ERP27: variants seen among roughly 807,000 people sequenced by gnomAD.
ERP27 encodes endoplasmic reticulum resident protein 27.
ERP27 carries 23 observed loss-of-function variants against 27.7 expected under a neutral mutation model. The ratio of observed to expected loss-of-function variants is 0.83; its 90% confidence interval spans 0.60 to 1.18. The LOEUF (loss-of-function observed/expected upper bound fraction) is 1.18. ERP27 is among the 50% of genes most tolerant of loss of function. The pLI is 0.00. For synonymous variants in ERP27, 159 were observed against 118.3 expected, an observed-to-expected ratio of 1.34 and a Z score of -2.23; for missense variants, 363 against 327.9, an observed-to-expected ratio of 1.11 and a Z score of -0.83.
intron 4 of ERP27, among the ~76,000 whole-genome samples, chr12:14,919,881 T>A (rs557060331): frequency 6.6e-6 from 1 of 152,232 alleles, no homozygotes; most frequent in African/African-American, 2.4e-5. Flanking sequence ...CTTTGAATAA[T>A]GTTATCAGTT....
In ERP27 at chr12:14,914,547, G is replaced by A; in HGVS notation, c.*188C>T. 1.9e-6 allele frequency: 1 copy of A among 520,690 alleles called. No individual in the cohort carries two copies. The highest frequency in any genetic ancestry group is 3.0e-5 in the South Asian group (1 of 33,112). 32.3% of individuals were successfully genotyped at this position (520,690 alleles called of 1,614,324 possible). A position where few individuals can be genotyped will look rare whatever the true frequency, so the allele number is the denominator to read the frequency against. On this transcript the variant is annotated 3_prime_UTR_variant, in exon 7 of 7. Coordinates refer to ENST00000266397, the MANE Select transcript of ERP27 (RefSeq NM_152321.4). The stretch of plus-strand genomic sequence containing the variant: ...AAGAGAAAACGAGATTTTAAGACAG[G>A]AAATGAAGCTCTGTGTGTGTGTGTG...
chr12:14,921,812 C>A (rs1863508251), intron 3 of ERP27, among the ~76,000 whole-genome samples: 2 of 151,864 alleles, frequency 1.3e-5, no homozygotes, highest in South Asian at 4.1e-4. Flanking sequence ...CAAAGGTATG[C>A]TGACTTTTAT....
chr12:14,919,622 T>G (rs904158502), intron 4 of ERP27, among the ~76,000 whole-genome samples: 4 of 152,154 alleles, frequency 2.6e-5, no homozygotes, highest in African/African-American at 9.7e-5. Context: ...GGGTGTTTCC[T>G]GTTGAAGGCA....
intron 3 of ERP27, among the ~76,000 whole-genome samples, chr12:14,930,248 A>G (rs866586508): frequency 6.6e-6 from 1 of 152,212 alleles, no homozygotes; most frequent in Non-Finnish European, 1.5e-5. Flanking sequence ...TGCATTTCTT[A>G]TCAGTTTATT....
Position 14,920,996 on chromosome 12 carries a change from G to A in ERP27, c.386C>T (p.Ala129Val). The A allele has an allele frequency of 1.2e-6, 2 of 1,614,072 alleles. No homozygotes were observed. Among genetic ancestry groups the A allele is most frequent in the Non-Finnish European group, 1.7e-6 (2 of 1,179,960 alleles). ...LEDEDIESID[A>V]TKLSRFIEIN... ...CTCAATGAAACGGCTCAATTTGGTGGCATCAATGCTTTCAATGTCTTCGTC... is the reference window on the plus strand; with the variant it reads ...CTCAATGAAACGGCTCAATTTGGTGACATCAATGCTTTCAATGTCTTCGTC... Residue 129 changes from alanine to valine, a missense_variant, in exon 4 of 7, where the codon GCC (alanine) becomes GTC (valine). By Grantham distance (64) the Ala-to-Val change is moderately conservative. Coordinates refer to ENST00000266397, the MANE Select transcript of ERP27 (RefSeq NM_152321.4).
At position 14,915,624 on chromosome 12, in the gene ERP27, T is replaced by C. The variant is rs201910989; in HGVS notation, c.639A>G (p.Lys213=). ...KENGKVISFF[K]LKESQLPALA... is the part of the protein sequence containing the mutation. ...AAGCTGGCAGTTGAGACTCCTTTAG[T>C]TTGAAAAATGATATCACCTTCCCAT... Residue 213 remains lysine, a synonymous_variant, in exon 6 of 7, where the codon AAA becomes AAG. Coordinates refer to ENST00000266397, the MANE Select transcript of ERP27 (RefSeq NM_152321.4). The C allele has an allele frequency of 6.2e-7, 1 of 1,614,186 alleles. No individual in the cohort carries two copies. The highest frequency in any genetic ancestry group is 8.5e-7 in the Non-Finnish European group (1 of 1,180,018).
At chr12:14,932,413 G>A (rs1045999228) in intron 3 of ERP27, among the ~76,000 whole-genome samples, 1 of 152,116 alleles carries the variant, frequency 6.6e-6, no homozygotes, top group African/African-American at 2.4e-5. Context: ...TTGGCGGGTG[G>A]TGGCATTCTA....
intron 3 of ERP27, among the ~76,000 whole-genome samples, chr12:14,921,802 C>T (rs527749372): frequency 6.6e-6 from 1 of 151,606 alleles, no homozygotes; most frequent in Non-Finnish European, 1.5e-5. Context: ...TTTTTTTTGC[C>T]AAAGGTATGC....
intron 6 of ERP27, among the ~76,000 whole-genome samples, chr12:14,915,245 T>C (rs2120533709): frequency 6.6e-6 from 1 of 152,346 alleles, no homozygotes; most frequent in South Asian, 2.1e-4. Flanking sequence ...ATCATTTCTT[T>C]GTGTTGGAAA....
Position 14,920,916 on chromosome 12 carries a change from A to G in ERP27, c.450+16T>C, listed in dbSNP as rs753230012. 6.2e-7 allele frequency: 1 copy of G among 1,600,104 alleles called. No individual in the cohort carries two copies. The highest frequency in any genetic ancestry group is 2.2e-5 in the East Asian group (1 of 44,820). On this transcript the variant is annotated intron_variant, in intron 4 of 6. Transcript: ENST00000266397. ...CTCAGGGTCTGAAGGGACTAAGAAC[A>G]GGAAGTATTGTTTACCACAGGGTTG... is the stretch of plus-strand genomic sequence containing the variant.
At chr12:14,927,338 T>A (rs1863618735) in intron 3 of ERP27, among the ~76,000 whole-genome samples, 1 of 151,972 alleles carries the variant, frequency 6.6e-6, no homozygotes, top group Non-Finnish European at 1.5e-5. Context: ...TGTGCATGTG[T>A]GTGTGTGTGT....
intron 3 of ERP27, among the ~76,000 whole-genome samples, chr12:14,925,598 C>T (rs978836227): frequency 1.6e-4 from 25 of 151,762 alleles, no homozygotes; most frequent in African/African-American, 5.8e-4. Flanking sequence ...TGGTTATATT[C>T]TTATTGATTT....
At chr12:14,921,308 C>A (rs1863500136) in intron 3 of ERP27, among the ~76,000 whole-genome samples, 1 of 152,126 alleles carries the variant, frequency 6.6e-6, no homozygotes. Flanking sequence ...AGAAAAGCTT[C>A]AAGGAAGAAG....
chr12:14,914,902 G>A, intron 6 of ERP27, 120 bp from the exon 7 acceptor site: 1 of 758,462 alleles, frequency 1.3e-6, no homozygotes, highest in East Asian at 2.7e-5. Flanking sequence ...TTGATTTGTT[G>A]CCCATTAATG....
chr12:14,931,677 G>A (rs1273545891), intron 3 of ERP27, among the ~76,000 whole-genome samples: 2 of 152,038 alleles, frequency 1.3e-5, no homozygotes, highest in African/African-American at 4.8e-5. Context: ...AGCTTTATGA[G>A]GAATAAATTG....
rs1212590270 is a variant in ERP27 at position 14,915,561 on chromosome 12, T to C, written c.702A>G (p.Thr234=). The C allele has an allele frequency of 6.2e-7, 1 of 1,614,244 alleles. No individual in the cohort carries two copies. The highest frequency in any genetic ancestry group is 1.1e-5 in the South Asian group (1 of 91,086). Residue 234 remains threonine, a synonymous_variant, in exon 6 of 7, where the codon ACA becomes ACG. Transcript: ENST00000266397. ...CTACGGAAACTTCTGCTGTGGGCAG[T>C]GTATCCCACTCGTCATCTAGAGTCT... ...IYQTLDDEWD[T]LPTAEVSVEH...
In ERP27 at chr12:14,921,186, A is replaced by G. The variant is rs566810643; in HGVS notation, c.334-138T>C. ...ATAAGTAAGAGAGTTTCTCTGCCCT[A>G]GGGGGACAAACTGTCCTGTAGACTC... On this transcript the variant is annotated intron_variant, in intron 3 of 6. Coordinates refer to ENST00000266397, the MANE Select transcript of ERP27 (RefSeq NM_152321.4). 1.5e-5 allele frequency: 10 copies of G among 679,220 alleles called. No individual in the cohort carries two copies. In the South Asian group the frequency reaches 1.8e-4, roughly 12 times the overall value. 42.1% of individuals were successfully genotyped at this position (679,220 alleles called of 1,614,324 possible). A position where few individuals can be genotyped will look rare whatever the true frequency, so the allele number is the denominator to read the frequency against.
In ERP27 at chr12:14,917,225, C is replaced by G. The variant is rs1863424101; in HGVS notation, c.529G>C (p.Glu177Gln). 2 of 1,613,996 alleles carry G rather than the reference C, an allele frequency of 1.2e-6. No individual in the cohort carries two copies. Among genetic ancestry groups the G allele is most frequent in the Admixed American group, 1.7e-5 (1 of 59,998 alleles). The change falls in exon 5 of 7, where the codon GAG becomes CAG. Residue 177 changes from glutamate to glutamine, a missense_variant. Glu to Gln is a conservative substitution (Grantham distance 29). Transcript: ENST00000266397. ...IMNKASPEYE[E>Q]NMHRYQKAAK... ...GCCTTCTGGTATCTGTGCATGTTCTCTTCATACTCTGGGGAGGCCTTGTTC... is the reference window on the plus strand; with the variant it reads ...GCCTTCTGGTATCTGTGCATGTTCTGTTCATACTCTGGGGAGGCCTTGTTC...
chr12:14,926,739 C>A (rs1218462525), intron 3 of ERP27, among the ~76,000 whole-genome samples: 1 of 152,130 alleles, frequency 6.6e-6, no homozygotes. Flanking sequence ...CTTTTAAATT[C>A]AATTTTCTGG....
Sources: allele counts gnomAD v4.1 joint callset (sites outside exome capture counted in the v4.1 genomes callset), GRCh38; gene constraint gnomAD v4.1.1; transcripts MANE v1.5; gene names NCBI Gene and HGNC (gene_info 2026-07-23, HGNC 2026-07-21).